Variants in PLPPR1 observed in about 807,000 individuals in gnomAD.
PLPPR1 encodes phospholipid phosphatase-related protein type 1.
A neutral mutation model predicts 33.1 loss-of-function variants in PLPPR1; 10 were observed. The ratio of observed to expected loss-of-function variants is 0.30; its 90% CI spans 0.19 to 0.51. PLPPR1 has a LOEUF of 0.51. PLPPR1 is among the 20% of genes least tolerant of loss of function. The pLI is 0.97. For synonymous variants in PLPPR1, 151 were observed against 151.0 expected, an observed-to-expected ratio of 1.00 and a Z score of 0.00; for missense variants, 304 against 408.1, an observed-to-expected ratio of 0.74 and a Z score of 2.20.
chr9:101,300,002 G>GTT (rs11410642), intron 4 of PLPPR1, among the ~76,000 whole-genome samples: 1 of 151,862 alleles, frequency 6.6e-6, no homozygotes, highest in African/African-American at 2.4e-5. Flanking sequence ...TTTTGTAAAG[G>GTT]TTTTTTTAAG....
At chr9:101,252,872 T>C (rs1035972111) in intron 2 of PLPPR1, among the ~76,000 whole-genome samples, 1 of 152,096 alleles carries the variant, frequency 6.6e-6, no homozygotes, top group African/African-American at 2.4e-5. Context: ...GTTCGTTTTA[T>C]GTTTTCATTC....
intron 1 of PLPPR1, among the ~76,000 whole-genome samples, chr9:101,072,218 G>A (rs996569141): frequency 2.0e-5 from 3 of 152,076 alleles, no homozygotes; most frequent in Admixed American, 6.6e-5. Flanking sequence ...TGGTTGGGTG[G>A]CTCATTTGTA....
chr9:101,198,472 C>G (rs774004684), intron 2 of PLPPR1, among the ~76,000 whole-genome samples: 31 of 152,278 alleles, frequency 2.0e-4, no homozygotes, highest in Middle Eastern at 3.4e-3. Context: ...AAATTTCATA[C>G]TCAAAAATTT....
chr9:101,234,859 T>G (rs186163947), intron 2 of PLPPR1, among the ~76,000 whole-genome samples: 10 of 152,092 alleles, frequency 6.6e-5, no homozygotes, highest in Admixed American at 6.6e-4. Flanking sequence ...AATTTATTGA[T>G]GTGTATCTGT....
intron 2 of PLPPR1, among the ~76,000 whole-genome samples, chr9:101,201,276 T>C (rs1564174016): frequency 6.6e-6 from 1 of 152,208 alleles, no homozygotes; most frequent in Non-Finnish European, 1.5e-5. Context: ...GGCCATTAAG[T>C]TTCAACACCT....
intron 7 of PLPPR1, 78 bp downstream of exon 7, chr9:101,317,574 C>T (rs1481209296): frequency 1.5e-6 from 2 of 1,347,836 alleles, no homozygotes; most frequent in African/African-American, 2.9e-5. Context: ...ATGAATACCA[C>T]TTAATCTACC....
At chr9:101,258,529 G>A (rs758046574) in intron 2 of PLPPR1, among the ~76,000 whole-genome samples, 3 of 152,092 alleles carry the variant, frequency 2.0e-5, no homozygotes, top group South Asian at 2.1e-4. Flanking sequence ...AAGATATAGC[G>A]GAACTATAAA....
intron 4 of PLPPR1, among the ~76,000 whole-genome samples, chr9:101,294,689 C>G (rs1197850378): frequency 1.3e-5 from 2 of 152,040 alleles, no homozygotes; most frequent in Non-Finnish European, 2.9e-5. Context: ...TAAACAGAAC[C>G]AAAGACAAAA....
In PLPPR1 at chr9:101,029,038, T is replaced by C. The variant is rs1829905269; in HGVS notation, c.-110T>C. ...AGCGTGTCTCGGACCGCCGCCTGAATGTACCTCGCTCCCGGGAGCCGGACG... is the reference window on the plus strand; with the variant it reads ...AGCGTGTCTCGGACCGCCGCCTGAACGTACCTCGCTCCCGGGAGCCGGACG... On this transcript the variant is annotated 5_prime_UTR_variant, in exon 1 of 8. An upstream start codon of the reference 5' UTR is lost. Transcript: ENST00000374874. 1 of 152,660 alleles carries C rather than the reference T, an allele frequency of 6.6e-6. No homozygotes were observed. The highest frequency in any genetic ancestry group is 1.5e-5 in the Non-Finnish European group (1 of 68,132). 9.5% of individuals were successfully genotyped at this position (152,660 alleles called of 1,614,324 possible). A position where few individuals can be genotyped will look rare whatever the true frequency, so the allele number is the denominator to read the frequency against.
chr9:101,323,949 A>G, intron 7 of PLPPR1, 76 bp from the exon 8 acceptor site: 1 of 1,253,158 alleles, frequency 8.0e-7, no homozygotes, highest in East Asian at 2.4e-5. Flanking sequence ...AAACAAGGGA[A>G]TATTTAGGGA....
At chr9:101,092,810 T>C (rs1039793323) in intron 1 of PLPPR1, among the ~76,000 whole-genome samples, 1 of 152,084 alleles carries the variant, frequency 6.6e-6, no homozygotes, top group Non-Finnish European at 1.5e-5. Flanking sequence ...GGAGGTGGGA[T>C]CTTTGAAAGG....
chr9:101,173,603 G>A (rs111495853), intron 1 of PLPPR1, among the ~76,000 whole-genome samples: 2,839 of 152,182 alleles, frequency 0.019, 89 homozygotes, highest in African/African-American at 0.065. Context: ...TATTAGGCAG[G>A]AATATGGTTG....
At chr9:101,247,709 G>A (rs146006666) in intron 2 of PLPPR1, among the ~76,000 whole-genome samples, 1 of 152,150 alleles carries the variant, frequency 6.6e-6, no homozygotes, top group East Asian at 1.9e-4. Context: ...GCTGTGCTGT[G>A]TTTGCAATCA....
intron 2 of PLPPR1, among the ~76,000 whole-genome samples, chr9:101,260,037 C>T (rs993077659): frequency 7.9e-5 from 12 of 152,086 alleles, no homozygotes; most frequent in Non-Finnish European, 1.6e-4. Context: ...TTCCCTTTGG[C>T]TTAGTGATTT....
At chr9:101,184,401 A>G (rs954663005) in intron 1 of PLPPR1, among the ~76,000 whole-genome samples, 6 of 151,892 alleles carry the variant, frequency 4.0e-5, no homozygotes, top group East Asian at 1.9e-4. Context: ...AGAAATGAAG[A>G]CATTAAAATT....
intron 2 of PLPPR1, among the ~76,000 whole-genome samples, chr9:101,249,782 G>T (rs903698628): frequency 1.3e-5 from 2 of 152,018 alleles, no homozygotes; most frequent in African/African-American, 4.8e-5. Flanking sequence ...GTGGACAACT[G>T]GTCTTCGCTC....
rs2118508184 is a variant in PLPPR1 at position 101,079,831 on chromosome 9, G to A, written c.-46+50729G>A. The stretch of plus-strand genomic sequence containing the variant: ...CTGACCTCGTGATCCACCTGCCTCA[G>A]CCTCCCAAGTGCTGGGATTACAGGC... On this transcript the variant is annotated intron_variant, in intron 1 of 7. Transcript: ENST00000374874. 1.3e-5 allele frequency among the ~76,000 whole-genome samples: 2 copies of A among 152,294 alleles called. 1 individual carries two copies. The highest frequency in any genetic ancestry group is 4.1e-4 in the South Asian group (2 of 4,822).
chr9:101,030,963 G>A (rs999906018), intron 1 of PLPPR1, among the ~76,000 whole-genome samples: 4 of 151,752 alleles, frequency 2.6e-5, no homozygotes, highest in African/African-American at 9.7e-5. Flanking sequence ...AGCAGGGGGT[G>A]GGGGGGAATT....
intron 3 of PLPPR1, among the ~76,000 whole-genome samples, chr9:101,274,986 G>C (rs1332212180): frequency 6.6e-6 from 1 of 152,168 alleles, no homozygotes; most frequent in Non-Finnish European, 1.5e-5. Flanking sequence ...GCTAACATTT[G>C]GAGGCTTCCA....
Sources: allele counts gnomAD v4.1 joint callset (sites outside exome capture counted in the v4.1 genomes callset), GRCh38; gene constraint gnomAD v4.1.1; transcripts MANE v1.5; gene names NCBI Gene and HGNC (gene_info 2026-07-23, HGNC 2026-07-21).